The following ROBO2 variants were observed in gnomAD, a reference collection of about 807,000 sequenced individuals.
ROBO2 encodes the protein roundabout guidance receptor 2, also known as roundabout homolog 2.
A neutral mutation model predicts 160.8 loss-of-function variants in ROBO2; 53 were observed. The ratio of observed to expected loss-of-function variants is 0.33; its 90% confidence interval spans 0.26 to 0.41. The LOEUF (loss-of-function observed/expected upper bound fraction) is 0.41. Among genes scored for constraint, ROBO2 ranks in the 10% least tolerant of loss-of-function variants. The probability of loss-of-function intolerance (pLI) is 1.00; values close to 1 mark genes in which losing one functional copy is unlikely to be tolerated. For synonymous variants in ROBO2, 664 were observed against 611.7 expected (o/e 1.09, Z -1.26); for missense variants, 1,577 against 1,722.4 (o/e 0.92, Z 1.49).
chr3:76,035,010 A>C (rs1002046906), intron 2 of ROBO2, among the ~76,000 whole-genome samples: 1 of 152,028 alleles, frequency 6.6e-6, no homozygotes, highest in Non-Finnish European at 1.5e-5. Context: ...ACCTTCGCTC[A>C]ATACTGTATC....
intron 2 of ROBO2, among the ~76,000 whole-genome samples, chr3:76,302,253 A>G (rs1247798519): frequency 6.6e-6 from 1 of 152,090 alleles, no homozygotes; most frequent in African/African-American, 2.4e-5. Context: ...TTTTACATTT[A>G]TTAAATACTA....
At chr3:76,881,827 G>T (rs1257008663) in intron 2 of ROBO2, among the ~76,000 whole-genome samples, 1 of 152,218 alleles carries the variant, frequency 6.6e-6, no homozygotes, top group Non-Finnish European at 1.5e-5. Context: ...GGCCAGGCCT[G>T]ATGCTGTGAT....
intron 2 of ROBO2, among the ~76,000 whole-genome samples, chr3:77,317,863 GGGGGGGCTGCT>G (rs1175259874): frequency 2.2e-5 from 1 of 44,758 alleles, no homozygotes; most frequent in South Asian, 1.4e-3. Flanking sequence ...GGGGGCTGCT[GGGGGGGCTGCT>G]GGGGGGCTGC....
chr3:77,116,879 A>G (rs1423875622), intron 2 of ROBO2, among the ~76,000 whole-genome samples: 2 of 152,196 alleles, frequency 1.3e-5, no homozygotes, highest in African/African-American at 4.8e-5. Context: ...CTGATGGATT[A>G]TCAATTTCAG....
At chr3:76,351,933 C>G (rs1559807721) in intron 2 of ROBO2, among the ~76,000 whole-genome samples, 1 of 151,944 alleles carries the variant, frequency 6.6e-6, no homozygotes, top group Non-Finnish European at 1.5e-5. Context: ...GACATAGCCG[C>G]TGTTCAATTA....
intron 2 of ROBO2, among the ~76,000 whole-genome samples, chr3:76,083,988 T>A (rs148263848): frequency 9.2e-5 from 14 of 152,220 alleles, no homozygotes; most frequent in African/African-American, 3.4e-4. Context: ...GCTCTTAGTC[T>A]ATTGTTTTTA....
chr3:77,456,902 G>A (rs1437137840), intron 2 of ROBO2, among the ~76,000 whole-genome samples: 1 of 151,104 alleles, frequency 6.6e-6, no homozygotes, highest in African/African-American at 2.4e-5. Context: ...AGGCATATTT[G>A]GAGGGTCTGC....
chr3:76,497,894 C>A (rs530971886), intron 2 of ROBO2, among the ~76,000 whole-genome samples: 80 of 152,350 alleles, frequency 5.3e-4, no homozygotes, highest in Middle Eastern at 3.4e-3. Context: ...GCATTCCCAG[C>A]CTGCTGGCCT....
chr3:76,187,022 T>C (rs1701796794), intron 2 of ROBO2, among the ~76,000 whole-genome samples: 1 of 151,882 alleles, frequency 6.6e-6, no homozygotes, highest in Admixed American at 6.6e-5. Context: ...TTCTACCCTA[T>C]GCCATCCATA....
chr3:77,570,114 A>G (rs1022884281), intron 13 of ROBO2, among the ~76,000 whole-genome samples: 1 of 151,988 alleles, frequency 6.6e-6, no homozygotes, highest in Non-Finnish European at 1.5e-5. Context: ...TGTATTTTTC[A>G]CAGCGTAGTA....
chr3:76,007,980 A>G (rs569217401), intron 2 of ROBO2, among the ~76,000 whole-genome samples: 3 of 151,956 alleles, frequency 2.0e-5, no homozygotes, highest in Non-Finnish European at 2.9e-5. Context: ...ACGGTGCCTC[A>G]CTCCTGTAAT....
At chr3:76,556,119 AGAATG>A (rs2083776135) in intron 2 of ROBO2, among the ~76,000 whole-genome samples, 1 of 152,164 alleles carries the variant, frequency 6.6e-6, no homozygotes, top group South Asian at 2.1e-4. Flanking sequence ...AAAAATAAAA[AGAATG>A]GAAGAAAGTG....
chr3:76,825,035 C>T (rs2066442214), intron 2 of ROBO2, among the ~76,000 whole-genome samples: 1 of 152,204 alleles, frequency 6.6e-6, no homozygotes, highest in African/African-American at 2.4e-5. Flanking sequence ...GGTAAACTTG[C>T]TGTAAGGTGA....
At chr3:76,451,953 T>G (rs557929892) in intron 2 of ROBO2, among the ~76,000 whole-genome samples, 1 of 152,278 alleles carries the variant, frequency 6.6e-6, no homozygotes, top group African/African-American at 2.4e-5. Flanking sequence ...TCTCTTTCTT[T>G]ATGTTAGATT....
intron 2 of ROBO2, among the ~76,000 whole-genome samples, chr3:76,126,651 G>C (rs181989654): frequency 2.6e-5 from 4 of 152,062 alleles, no homozygotes; most frequent in African/African-American, 7.2e-5. Flanking sequence ...GTTCAAATGA[G>C]AAATATATAA....
chr3:77,038,893 A>AC, upstream of ROBO2, among the ~76,000 whole-genome samples: 1 of 152,030 alleles, frequency 6.6e-6, no homozygotes, highest in East Asian at 1.9e-4. Flanking sequence ...GGCTTTCCAC[A>AC]CCCAGAGCCT....
At chr3:76,968,040 T>TTA (rs970106594) in intron 2 of ROBO2, among the ~76,000 whole-genome samples, 13 of 152,082 alleles carry the variant, frequency 8.5e-5, no homozygotes, top group African/African-American at 2.4e-4. Flanking sequence ...GTTTGCTTGT[T>TTA]TATATATATA....
At chr3:77,503,694 AG>A (rs2088011974) in intron 5 of ROBO2, among the ~76,000 whole-genome samples, 1 of 152,032 alleles carries the variant, frequency 6.6e-6, no homozygotes, top group South Asian at 2.1e-4. Context: ...ATGAGTTAAC[AG>A]GTAGGACTGA....
At chr3:77,614,572 G>C (rs1164519125) in intron 21 of ROBO2, among the ~76,000 whole-genome samples, 1 of 152,028 alleles carries the variant, frequency 6.6e-6, no homozygotes, top group Non-Finnish European at 1.5e-5. Context: ...CACTTAGGTA[G>C]CCTCAGCAAG....
Sources: gnomAD v4.1 joint callset for allele counts (sites outside exome capture counted in the v4.1 genomes callset) on GRCh38, gnomAD v4.1.1 for gene constraint, MANE v1.5 for transcripts, NCBI Gene and HGNC (gene_info 2026-07-23, HGNC 2026-07-21) for gene names.